Variants in HERC2 observed in about 807,000 individuals in gnomAD.
HERC2 encodes E3 ubiquitin-protein ligase HERC2.
Under a neutral mutation model 537.7 loss-of-function variants are expected in HERC2, and 102 were observed. The ratio of observed to expected loss-of-function variants is 0.19; its 90% CI spans 0.16 to 0.22. The LOEUF is 0.22. Among genes scored for constraint, HERC2 ranks in the 10% least tolerant of loss-of-function variants. The pLI is 1.00. For missense variants in HERC2, 4,236 were observed against 6,198.2 expected, an observed-to-expected ratio of 0.68 and a Z score of 10.63; for synonymous variants, 2,224 against 2,466.2, an observed-to-expected ratio of 0.90 and a Z score of 2.91.
chr15:28,189,650 G>T (rs1896644640), intron 55 of HERC2, among the ~76,000 whole-genome samples: 1 of 152,082 alleles, frequency 6.6e-6, no homozygotes, highest in South Asian at 2.1e-4. Context: ...TTTCAAAATA[G>T]CTAAAAGAGA....
rs1364810940 is a variant in HERC2, at chr15:28,265,167, C to A, written c.1870+451G>T. On this transcript the variant is annotated intron_variant, in intron 14 of 92. Coordinates refer to ENST00000261609, the MANE Select transcript of HERC2 (RefSeq NM_004667.6). This position sits in a 1 kb window ranked among gnomAD's most constrained non-coding sequence, Gnocchi z 4.0. ...TAACATGACTTTAACCATCAAACCT[C>A]ATCAGGTACCCTTGAAAAAAGGATG... Among the ~76,000 whole-genome samples the A allele has an allele frequency of 5.3e-5, 8 of 152,136 alleles. No homozygotes were observed. The highest frequency in any genetic ancestry group is 1.9e-4 in the African/African-American group (8 of 41,416).
At chr15:28,210,454 A>T (rs1899065171) in intron 44 of HERC2, among the ~76,000 whole-genome samples, 1 of 152,178 alleles carries the variant, frequency 6.6e-6, no homozygotes, top group Non-Finnish European at 1.5e-5. Flanking sequence ...CATTATCTTT[A>T]CATGCCTTTT....
At chr15:28,135,314 T>C (rs867767686) in intron 79 of HERC2, among the ~76,000 whole-genome samples, 164 bp downstream of exon 79, 1 of 152,240 alleles carries the variant, frequency 6.6e-6, no homozygotes, top group Admixed American at 6.5e-5. Flanking sequence ...AGCCTTCGTA[T>C]TGGAACATAA....
At chr15:28,226,698 C>T (rs528336403) in intron 35 of HERC2, among the ~76,000 whole-genome samples, 1 of 151,682 alleles carries the variant, frequency 6.6e-6, no homozygotes, top group East Asian at 2.0e-4. Flanking sequence ...TTGGAAATGG[C>T]TTTTTGGATA....
chr15:28,301,685 T>C (rs899736747), intron 2 of HERC2, among the ~76,000 whole-genome samples: 1 of 126,926 alleles, frequency 7.9e-6, no homozygotes, highest in Non-Finnish European at 1.6e-5. Context: ...TGTTTGCCCA[T>C]CTTTTTTTTT....
chr15:28,205,146 A>T (rs370127281), intron 45 of HERC2, among the ~76,000 whole-genome samples: 8 of 152,094 alleles, frequency 5.3e-5, no homozygotes, highest in African/African-American at 1.7e-4. Context: ...ATGAAAAAGA[A>T]GAGAACAACA....
At chr15:28,120,052 C>T (rs542232575) in intron 86 of HERC2, among the ~76,000 whole-genome samples, 40 of 152,200 alleles carry the variant, frequency 2.6e-4, no homozygotes, top group Non-Finnish European at 4.6e-4. Flanking sequence ...CACTCAATCG[C>T]GGGGGTTAGA....
chr15:28,260,497 A>G (rs1160085440), intron 16 of HERC2, among the ~76,000 whole-genome samples: 6 of 152,218 alleles, frequency 3.9e-5, no homozygotes, highest in Non-Finnish European at 8.8e-5. Context: ...ATTCAGCTTC[A>G]CACTGCAAGT....
At chr15:28,305,215 AT>A (rs2076752402) in intron 2 of HERC2, among the ~76,000 whole-genome samples, 1 of 150,246 alleles carries the variant, frequency 6.7e-6, no homozygotes, top group Admixed American at 6.6e-5. Flanking sequence ...ATTTATAGTC[AT>A]TTGGGTATAT....
chr15:28,111,835 G>A lies in HERC2; in HGVS notation c.14433C>T (p.Ser4811=), dbSNP rs774484391. ...LTGEPAADDS[S]DDSDNEDVDS... ...CGACATCCTCGTTATCTGAATCGTC[G>A]CTGCTGTCGTCGGCGGCTGGCTCTC... The change falls in exon 93 of 93, where the codon AGC becomes AGT. Residue 4811 remains serine (S), a synonymous_variant. Coordinates refer to ENST00000261609, the MANE Select transcript of HERC2 (RefSeq NM_004667.6). 3.2e-5 allele frequency: 52 copies of A among 1,614,150 alleles called. No individual in the cohort carries two copies. Among genetic ancestry groups the A allele is most frequent in the Non-Finnish European group, 4.1e-5 (48 of 1,180,020 alleles).
At position 28,202,140 on chromosome 15, in the gene HERC2, C is replaced by T. The variant is rs1369147823; in HGVS notation, c.7590G>A (p.Glu2530=). 6.4e-7 allele frequency: 1 copy of T among 1,567,388 alleles called. No homozygotes were observed. The highest frequency in any genetic ancestry group is 1.1e-5 in the South Asian group (1 of 89,812). ...TGGAGTAGGCGGCATCATCCACGTC[C>T]TCCACCACCTCCTCGTCAGAATACT... ...SDEYSDEEVV[E]DVDDAAYSMS... Residue 2530 remains glutamate, a synonymous_variant, in exon 47 of 93, where the codon GAG becomes GAA. Coordinates refer to ENST00000261609, the MANE Select transcript of HERC2 (RefSeq NM_004667.6).
chr15:28,190,792 C>A (rs948901061), intron 55 of HERC2, 173 bp downstream of exon 55: 4 of 604,900 alleles, frequency 6.6e-6, no homozygotes, highest in Non-Finnish European at 1.2e-5. Flanking sequence ...TGATAAGCAG[C>A]AAATTCAGTT....
intron 10 of HERC2, among the ~76,000 whole-genome samples, chr15:28,270,244 TATAGATAG>T (rs200317563): frequency 1.5e-3 from 229 of 151,258 alleles, no homozygotes; most frequent in African/African-American, 4.8e-3. Context: ...TTTATTTATT[TATAGATAG>T]ATAGATAGAT....
At chr15:28,197,613 A>T (rs759503905) in intron 50 of HERC2, among the ~76,000 whole-genome samples, 1 of 152,148 alleles carries the variant, frequency 6.6e-6, no homozygotes, top group Non-Finnish European at 1.5e-5. Flanking sequence ...TTATCCAGGC[A>T]TGGTGGTGGG....
chr15:28,199,996 A>T (rs1897742961), intron 48 of HERC2, among the ~76,000 whole-genome samples: 1 of 151,894 alleles, frequency 6.6e-6, no homozygotes, highest in Admixed American at 6.6e-5. Flanking sequence ...TGAAGTCCCA[A>T]CTCCTAATGT....
In HERC2 at chr15:28,198,626, A is replaced by G. The variant is rs371646839; in HGVS notation, c.7860T>C (p.Val2620=). 4.3e-6 allele frequency: 7 copies of G among 1,613,852 alleles called. No homozygotes were observed. Among genetic ancestry groups the G allele is most frequent in the Non-Finnish European group, 5.9e-6 (7 of 1,179,932 alleles). The part of the protein sequence containing the change: ...DWQQKGGTYW[V]RYIHVELIGY... ...CTATAAGTTCCACATGAATGTACCTAACCCAGTAGGTGCCCCCTTTCTGCT... is the reference window on the plus strand; with the variant it reads ...CTATAAGTTCCACATGAATGTACCTGACCCAGTAGGTGCCCCCTTTCTGCT... The change falls in exon 49 of 93, where the codon GTT becomes GTC. Residue 2620 remains valine (V), a synonymous_variant. Coordinates refer to ENST00000261609, the MANE Select transcript of HERC2 (RefSeq NM_004667.6).
rs187540578 is a variant in HERC2 at position 28,308,175 on chromosome 15, C to T, written c.73-8659G>A. Among the ~76,000 whole-genome samples, 30 of 152,202 alleles carry T rather than the reference C, an allele frequency of 2.0e-4. No individual in the cohort carries two copies. The East Asian group carries it at 4.8e-3, about 24-fold the overall frequency. On this transcript the variant is annotated intron_variant, in intron 2 of 92. Coordinates refer to ENST00000261609, the MANE Select transcript of HERC2 (RefSeq NM_004667.6). Reference sequence around the variant, plus strand: ...GACATTTTAACAATATTGATTCTTCCAATCCATGAAGATGAAATATTTTTC... The same window carrying T: ...GACATTTTAACAATATTGATTCTTCTAATCCATGAAGATGAAATATTTTTC...
chr15:28,289,038 G>C (rs545326398), intron 4 of HERC2, among the ~76,000 whole-genome samples: 1 of 151,662 alleles, frequency 6.6e-6, no homozygotes, highest in African/African-American at 2.4e-5. Context: ...GCACTGCCCC[G>C]CAGCTCAGGC....
At position 28,215,051 on chromosome 15, in the gene HERC2, G is replaced by C. The variant is rs374943373; in HGVS notation, c.6211-249C>G. Among the ~76,000 whole-genome samples the C allele has an allele frequency of 1.3e-4, 20 of 151,020 alleles. No individual in the cohort carries two copies. The East Asian group carries it at 3.9e-3, about 29-fold the overall frequency. On this transcript the variant is annotated intron_variant, in intron 39 of 92. Coordinates refer to ENST00000261609, the MANE Select transcript of HERC2 (RefSeq NM_004667.6). ...CACCAAGCCCGGCTCATTTTTTTTT[G>C]GATTTTTGGTAGAGACAGAATTTCA...
Sources: allele counts gnomAD v4.1 joint callset (sites outside exome capture counted in the v4.1 genomes callset), GRCh38; gene constraint gnomAD v4.1.1; non-coding constraint Gnocchi (gnomAD v3.1); transcripts MANE v1.5; gene names NCBI Gene and HGNC (gene_info 2026-07-23, HGNC 2026-07-21).